Variants in EGFLAM observed in about 807,000 individuals in gnomAD.
The protein encoded by EGFLAM is pikachurin.
A neutral mutation model predicts 113.1 loss-of-function variants in EGFLAM; 79 were observed. That is an observed-to-expected ratio of 0.70 (90% CI 0.58 to 0.84). EGFLAM has a LOEUF of 0.84. Among genes scored for constraint, EGFLAM ranks in the 40% least tolerant of loss-of-function variants. The pLI is 0.00. For synonymous variants in EGFLAM, 504 were observed against 487.6 expected (o/e 1.03, Z -0.44); for missense variants, 1,265 against 1,291.6 (o/e 0.98, Z 0.32).
intron 6 of EGFLAM, among the ~76,000 whole-genome samples, chr5:38,383,903 G>A (rs1049538290): frequency 1.4e-4 from 21 of 152,190 alleles, no homozygotes; most frequent in South Asian, 2.1e-4. Context: ...AGAGGCCCAC[G>A]TGGTGGGAAT....
At chr5:38,356,451 C>T (rs570493625) in intron 5 of EGFLAM, among the ~76,000 whole-genome samples, 1 of 152,326 alleles carries the variant, frequency 6.6e-6, no homozygotes, top group East Asian at 1.9e-4. Flanking sequence ...ATTTCCCTTT[C>T]ACAAAAGTAG....
intron 16 of EGFLAM, among the ~76,000 whole-genome samples, chr5:38,436,393 C>T (rs866301626): frequency 4.6e-5 from 7 of 152,084 alleles, no homozygotes; most frequent in Admixed American, 3.9e-4. Flanking sequence ...GAAAGAAGTC[C>T]CTCCTTTCAC....
At chr5:38,430,046 G>T in intron 14 of EGFLAM, 1 of 225,594 alleles carries the variant, frequency 4.4e-6, no homozygotes, top group Non-Finnish European at 9.4e-6. Context: ...ATATCCGGTG[G>T]CTGTAGGGGC....
chr5:38,451,423 T>C lies in EGFLAM; in HGVS notation c.2652T>C (p.Ile884=), dbSNP rs780590225. 1.9e-6 allele frequency: 3 copies of C among 1,614,228 alleles called. No homozygotes were observed. Among genetic ancestry groups the C allele is most frequent in the Non-Finnish European group, 1.7e-6 (2 of 1,180,036 alleles). Residue 884 remains isoleucine (I), a synonymous_variant, in exon 19 of 22, where the codon ATT becomes ATC. Transcript: ENST00000322350. ...CCATGAGACCCAACAGCGACTTCAT[T>C]TCCTTGGGCCTTCGGGATGGAGCCC... ...DSPMRPNSDF[I]SLGLRDGALV... is the part of the protein sequence containing the mutation.
intron 6 of EGFLAM, among the ~76,000 whole-genome samples, chr5:38,373,598 C>T (rs1271033129): frequency 6.6e-6 from 1 of 152,156 alleles, no homozygotes; most frequent in African/African-American, 2.4e-5. Context: ...TGGGTTTGTT[C>T]TTTGTTATGG....
chr5:38,312,330 C>A (rs928592437), intron 1 of EGFLAM, among the ~76,000 whole-genome samples: 2 of 152,072 alleles, frequency 1.3e-5, no homozygotes, highest in Admixed American at 1.3e-4. Flanking sequence ...CAAGCTCCAC[C>A]TCCTAGGTTC....
chr5:38,453,960 TGTTA>T (rs1743003764), intron 19 of EGFLAM, among the ~76,000 whole-genome samples: 4 of 152,240 alleles, frequency 2.6e-5, no homozygotes, highest in Admixed American at 2.6e-4. Context: ...ACATACTTCT[TGTTA>T]CCATTTCTTT....
Position 38,320,975 on chromosome 5 carries a change from C to T in EGFLAM, c.98-16545C>T, listed in dbSNP as rs1738723715. 2.0e-5 allele frequency among the ~76,000 whole-genome samples: 3 copies of T among 152,058 alleles called. No homozygotes were observed. In the South Asian group the frequency reaches 6.2e-4, roughly 32 times the overall value. ...CCTTTTTGACACCAGGGGCTGGTTTCCTGGAAGACAGTTTTTTTCCATGGA... is the reference window on the plus strand; with the variant it reads ...CCTTTTTGACACCAGGGGCTGGTTTTCTGGAAGACAGTTTTTTTCCATGGA... On this transcript the variant is annotated intron_variant, in intron 1 of 21. Coordinates refer to ENST00000322350, the MANE Select transcript of EGFLAM (RefSeq NM_152403.4).
chr5:38,390,425 AT>A (rs1229469225), intron 6 of EGFLAM, among the ~76,000 whole-genome samples: 2 of 152,088 alleles, frequency 1.3e-5, no homozygotes, highest in Non-Finnish European at 2.9e-5. Flanking sequence ...GTTGCTTCAA[AT>A]TTTTTTCATT....
intron 6 of EGFLAM, among the ~76,000 whole-genome samples, chr5:38,400,620 G>C (rs1290240606): frequency 2.0e-5 from 3 of 152,160 alleles, no homozygotes; most frequent in South Asian, 2.1e-4. Flanking sequence ...GAAGTAGTGA[G>C]GCTTTAGTTC....
chr5:38,273,966 A>T (rs1195303483), intron 1 of EGFLAM, among the ~76,000 whole-genome samples: 3 of 152,212 alleles, frequency 2.0e-5, no homozygotes, highest in African/African-American at 7.2e-5. Flanking sequence ...AATGCGTAGA[A>T]ACAGTTAAAT....
chr5:38,279,433 C>G (rs182352731), intron 1 of EGFLAM, among the ~76,000 whole-genome samples: 8 of 152,294 alleles, frequency 5.3e-5, no homozygotes, highest in Middle Eastern at 3.4e-3. Context: ...TATTACAGCA[C>G]TAGTCTCACT....
Position 38,258,648 on chromosome 5 carries a change from G to T in EGFLAM, c.-107G>T, listed in dbSNP as rs1043984827. 1 of 1,321,178 alleles carries T rather than the reference G, an allele frequency of 7.6e-7. No individual in the cohort carries two copies. The highest frequency in any genetic ancestry group is 1.5e-5 in the African/African-American group (1 of 68,346). 81.8% of individuals were successfully genotyped at this position (1,321,178 alleles called of 1,614,324 possible). ...AGCCCTCGCAGCCCCCCACCTCCTC[G>T]CCCCGGCCCGGGGATCCGTTGGGGC... On this transcript the variant is annotated 5_prime_UTR_variant, in exon 1 of 22. Coordinates refer to ENST00000322350, the MANE Select transcript of EGFLAM (RefSeq NM_152403.4).
intron 6 of EGFLAM, among the ~76,000 whole-genome samples, chr5:38,382,112 GA>G (rs973611328): frequency 1.3e-5 from 2 of 151,956 alleles, no homozygotes; most frequent in African/African-American, 4.8e-5. Context: ...TATTGTTAGT[GA>G]AAAAAATTCA....
At chr5:38,366,321 C>T (rs145904399) in intron 5 of EGFLAM, among the ~76,000 whole-genome samples, 130 of 152,310 alleles carry the variant, frequency 8.5e-4, no homozygotes, top group Non-Finnish European at 1.4e-3. Context: ...TGCTATTTTG[C>T]GCTGGCTTCC....
At chr5:38,449,209 A>G (rs1485225225) in intron 18 of EGFLAM, among the ~76,000 whole-genome samples, 1 of 152,122 alleles carries the variant, frequency 6.6e-6, no homozygotes, top group Non-Finnish European at 1.5e-5. Flanking sequence ...GATTGACTGC[A>G]TCTTAACACA....
intron 12 of EGFLAM, among the ~76,000 whole-genome samples, chr5:38,421,886 T>A (rs974420643): frequency 1.3e-5 from 2 of 151,932 alleles, no homozygotes; most frequent in Non-Finnish European, 1.5e-5. Flanking sequence ...GGTGCCATGA[T>A]CTAGTTTGTG....
At chr5:38,301,486 G>A (rs983175022) in intron 1 of EGFLAM, among the ~76,000 whole-genome samples, 6 of 152,210 alleles carry the variant, frequency 3.9e-5, no homozygotes, top group South Asian at 2.1e-4. Flanking sequence ...GGGAGGAATC[G>A]GAGACAGTGG....
intron 17 of EGFLAM, among the ~76,000 whole-genome samples, chr5:38,441,341 G>A (rs979484632): frequency 6.6e-6 from 1 of 152,114 alleles, no homozygotes; most frequent in Non-Finnish European, 1.5e-5. Flanking sequence ...TTCAGTTTCA[G>A]GCATCTTCTC....
Sources: allele counts gnomAD v4.1 joint callset (sites outside exome capture counted in the v4.1 genomes callset), GRCh38; gene constraint gnomAD v4.1.1; transcripts MANE v1.5; gene names NCBI Gene and HGNC (gene_info 2026-07-23, HGNC 2026-07-21).